EPHA6: variants seen among roughly 807,000 people sequenced by gnomAD.
EPHA6 encodes the protein EPH receptor A6.
EPHA6 carries 50 observed loss-of-function variants against 112.0 expected under a neutral mutation model. The observed-to-expected ratio is 0.45, with a 90% CI of 0.36 to 0.56. The LOEUF is 0.56. Ranked by LOEUF, EPHA6 falls within the 20% of genes least tolerant of loss-of-function variation. EPHA6 has a pLI of 0.00. For missense variants in EPHA6, 1,280 were observed against 1,417.4 expected, an observed-to-expected ratio of 0.90 and a Z score of 1.56; for synonymous variants, 529 against 490.7, an observed-to-expected ratio of 1.08 and a Z score of -1.03.
In EPHA6 at chr3:97,301,198, G is replaced by A. The variant is rs75523163; in HGVS notation, c.1606+56911G>A. Among the ~76,000 whole-genome samples the A allele has an allele frequency of 3.7e-3, 570 of 152,178 alleles. 3 individuals carry two copies. Among genetic ancestry groups the A allele is most frequent in the African/African-American group, 0.012 (510 of 41,530 alleles). On this transcript the variant is annotated intron_variant, in intron 5 of 17. Coordinates refer to ENST00000389672, the MANE Select transcript of EPHA6 (RefSeq NM_001080448.3). ...AAAAAGAGAGAATGAGAAATGCTAG[G>A]TAGGAAGCACATTTTAACTTCAAAT...
intron 2 of EPHA6, among the ~76,000 whole-genome samples, chr3:96,984,248 T>C (rs1261725663): frequency 6.6e-6 from 1 of 152,206 alleles, no homozygotes; most frequent in Non-Finnish European, 1.5e-5. Context: ...ATGTCCTTTC[T>C]GTTTGTTAGT....
chr3:97,754,604 T>C lies in EPHA6; in HGVS notation c.*5903T>C, dbSNP rs1356708227. 6.6e-6 allele frequency among the ~76,000 whole-genome samples: 1 copy of C among 152,242 alleles called. No individual in the cohort carries two copies. Among genetic ancestry groups the C allele is most frequent in the African/African-American group, 2.4e-5 (1 of 41,472 alleles). On this transcript the variant is annotated 3_prime_UTR_variant, in exon 18 of 18. Transcript: ENST00000389672. ...CACTAGGAAATGAATAAACTTTACCTTTTAAAAAGGAATCTGTCAACTGCA... is the reference window on the plus strand; with the variant it reads ...CACTAGGAAATGAATAAACTTTACCCTTTAAAAAGGAATCTGTCAACTGCA...
chr3:96,822,903 A>G (rs1446600328), intron 1 of EPHA6, among the ~76,000 whole-genome samples: 2 of 151,626 alleles, frequency 1.3e-5, no homozygotes, highest in Admixed American at 6.6e-5. Flanking sequence ...AAAAAGATCC[A>G]TAACTTTTTA....
chr3:97,222,294 T>C (rs2078231360), intron 3 of EPHA6, among the ~76,000 whole-genome samples: 1 of 152,170 alleles, frequency 6.6e-6, no homozygotes, highest in Non-Finnish European at 1.5e-5. Context: ...GAATTCTTTA[T>C]TTTTAAATGA....
intron 3 of EPHA6, among the ~76,000 whole-genome samples, chr3:97,076,957 C>T (rs2046547056): frequency 6.6e-6 from 1 of 152,104 alleles, no homozygotes; most frequent in South Asian, 2.1e-4. Context: ...TGCTAATTGA[C>T]AATGTATCTA....
chr3:97,268,415 C>G (rs1180150432), intron 5 of EPHA6, among the ~76,000 whole-genome samples: 1 of 152,056 alleles, frequency 6.6e-6, no homozygotes, highest in Non-Finnish European at 1.5e-5. Context: ...TAATCTTTAG[C>G]AAGTTTGTTA....
At chr3:97,191,055 G>T (rs1434093243) in intron 3 of EPHA6, among the ~76,000 whole-genome samples, 1 of 152,002 alleles carries the variant, frequency 6.6e-6, no homozygotes, top group Admixed American at 6.6e-5. Flanking sequence ...CTAGCCTCTG[G>T]TAACTGCCAT....
intron 11 of EPHA6, among the ~76,000 whole-genome samples, chr3:97,548,045 C>T (rs2092979929): frequency 6.6e-6 from 1 of 152,208 alleles, no homozygotes; most frequent in African/African-American, 2.4e-5. Context: ...CCTGCTTTGG[C>T]TCATGCACGG....
intron 3 of EPHA6, among the ~76,000 whole-genome samples, chr3:97,084,244 A>G (rs1233092506): frequency 6.6e-6 from 1 of 151,072 alleles, no homozygotes; most frequent in Non-Finnish European, 1.5e-5. Context: ...TGTACAAATT[A>G]TCACTTGCTA....
intron 3 of EPHA6, among the ~76,000 whole-genome samples, chr3:97,003,647 C>G (rs2043758064): frequency 6.6e-6 from 1 of 152,060 alleles, no homozygotes; most frequent in South Asian, 2.1e-4. Context: ...ATTTGCTTTC[C>G]TATTTCTTTT....
intron 5 of EPHA6, among the ~76,000 whole-genome samples, chr3:97,387,788 C>T (rs2086156914): frequency 6.6e-6 from 1 of 152,122 alleles, no homozygotes; most frequent in African/African-American, 2.4e-5. Context: ...TCCATTCTCA[C>T]ACTCCTATAA....
intron 10 of EPHA6, among the ~76,000 whole-genome samples, chr3:97,487,834 T>C (rs948963094): frequency 6.6e-6 from 1 of 152,172 alleles, no homozygotes; most frequent in Admixed American, 6.5e-5. Flanking sequence ...CTCCTTTGGC[T>C]TTTTTGCACT....
chr3:97,448,451 TG>T, intron 6 of EPHA6, 116 bp from the exon 7 acceptor site: 2 of 1,078,408 alleles, frequency 1.9e-6, no homozygotes, highest in Non-Finnish European at 2.7e-6. Flanking sequence ...AACACTACTT[TG>T]TAATCAATAC....
intron 3 of EPHA6, among the ~76,000 whole-genome samples, chr3:97,072,839 A>G (rs2046401394): frequency 6.6e-6 from 1 of 152,146 alleles, no homozygotes; most frequent in Non-Finnish European, 1.5e-5. Context: ...GTTGACTGTT[A>G]TCAGTTCCTT....
chr3:97,232,573 G>T (rs2078560428), intron 4 of EPHA6, among the ~76,000 whole-genome samples: 2 of 152,178 alleles, frequency 1.3e-5, no homozygotes, highest in Non-Finnish European at 2.9e-5. Flanking sequence ...TAACAGGCCT[G>T]CAGCGACTTG....
chr3:97,248,349 A>T (rs2079039331), intron 5 of EPHA6, among the ~76,000 whole-genome samples: 1 of 152,104 alleles, frequency 6.6e-6, no homozygotes. Context: ...AGAAAGCAAC[A>T]TGCAGAAGAC....
intron 5 of EPHA6, among the ~76,000 whole-genome samples, chr3:97,304,271 C>T (rs932491628): frequency 1.3e-5 from 2 of 151,960 alleles, no homozygotes; most frequent in African/African-American, 4.8e-5. Context: ...CCAGAACTTC[C>T]AATACTATAT....
At chr3:97,253,675 GTTGT>G (rs1351157782) in intron 5 of EPHA6, among the ~76,000 whole-genome samples, 1 of 151,994 alleles carries the variant, frequency 6.6e-6, no homozygotes, top group African/African-American at 2.4e-5. Context: ...TGTGCTTTAT[GTTGT>G]TTTTCATTTT....
intron 1 of EPHA6, among the ~76,000 whole-genome samples, chr3:96,859,166 C>T (rs2107416338): frequency 6.6e-6 from 1 of 152,116 alleles, no homozygotes; most frequent in Admixed American, 6.6e-5. Context: ...AACACCCCCC[C>T]AACACACACT....
Sources: allele counts gnomAD v4.1 joint callset (sites outside exome capture counted in the v4.1 genomes callset), GRCh38; gene constraint gnomAD v4.1.1; transcripts MANE v1.5; gene names NCBI Gene and HGNC (gene_info 2026-07-23, HGNC 2026-07-21).